ZBTB20: variants seen among roughly 807,000 people sequenced by gnomAD.
The protein encoded by ZBTB20 is zinc finger and BTB domain-containing protein 20.
Under a neutral mutation model 56.9 loss-of-function variants are expected in ZBTB20, and 9 were observed. The observed-to-expected ratio is 0.16, with a 90% CI of 0.10 to 0.28. The LOEUF (loss-of-function observed/expected upper bound fraction) is 0.28, where lower values mean the gene tolerates loss of function less well. ZBTB20 is among the 10% of genes least tolerant of loss of function. The pLI, the probability that ZBTB20 is intolerant of heterozygous loss-of-function variation, is 1.00. For synonymous variants in ZBTB20, 417 were observed against 420.7 expected, an observed-to-expected ratio of 0.99 and a Z score of 0.11; for missense variants, 655 against 1,003.0, an observed-to-expected ratio of 0.65 and a Z score of 4.69.
chr3:114,520,387 T>C (rs1006715480), intron 6 of ZBTB20, among the ~76,000 whole-genome samples: 2 of 152,190 alleles, frequency 1.3e-5, no homozygotes, highest in Admixed American at 1.3e-4. Flanking sequence ...CGTGATCTCA[T>C]GTACATAATT....
chr3:114,860,323 T>C (rs758252790), intron 4 of ZBTB20, among the ~76,000 whole-genome samples: 3 of 151,518 alleles, frequency 2.0e-5, no homozygotes, highest in Non-Finnish European at 4.4e-5. Flanking sequence ...AAAAAAATTC[T>C]GAAATTACAA....
intron 6 of ZBTB20, among the ~76,000 whole-genome samples, chr3:114,514,637 T>A (rs1479639366): frequency 6.6e-6 from 1 of 152,170 alleles, no homozygotes; most frequent in Non-Finnish European, 1.5e-5. Flanking sequence ...GGGAATACTT[T>A]ATTTGGTCAC....
At chr3:114,759,443 C>A (rs1282442044) in intron 5 of ZBTB20, among the ~76,000 whole-genome samples, 1 of 152,070 alleles carries the variant, frequency 6.6e-6, no homozygotes, top group African/African-American at 2.4e-5. Context: ...AGATGGAAAC[C>A]ATATGTTCCT....
chr3:115,076,422 T>C (rs1055642494), intron 1 of ZBTB20, among the ~76,000 whole-genome samples: 3 of 152,196 alleles, frequency 2.0e-5, no homozygotes, highest in Non-Finnish European at 4.4e-5. Context: ...GGTCAACTAA[T>C]TTTTTACAAG....
At chr3:114,948,068 A>G (rs1002137807) in intron 3 of ZBTB20, among the ~76,000 whole-genome samples, 2 of 146,058 alleles carry the variant, frequency 1.4e-5, no homozygotes, top group Non-Finnish European at 2.9e-5. Context: ...TAAAGAAAAT[A>G]TTAAGAAAAT....
At chr3:114,964,743 G>A (rs1039939884) in intron 3 of ZBTB20, among the ~76,000 whole-genome samples, 1 of 152,266 alleles carries the variant, frequency 6.6e-6, no homozygotes, top group Middle Eastern at 3.4e-3. Context: ...GGGGCTCAAA[G>A]AGTGGACTGA....
chr3:114,681,501 A>G (rs902668238), intron 6 of ZBTB20, among the ~76,000 whole-genome samples: 1 of 152,222 alleles, frequency 6.6e-6, no homozygotes, highest in African/African-American at 2.4e-5. Flanking sequence ...AATTATTAGA[A>G]GGCTGGGAGC....
At chr3:114,937,531 C>T (rs1274626991) in intron 3 of ZBTB20, among the ~76,000 whole-genome samples, 2 of 151,966 alleles carry the variant, frequency 1.3e-5, no homozygotes, top group Non-Finnish European at 2.9e-5. Context: ...AAGTGATTCT[C>T]CTCCCTCAGC....
intron 5 of ZBTB20, among the ~76,000 whole-genome samples, chr3:114,728,945 G>C (rs576982642): frequency 1.3e-5 from 2 of 152,150 alleles, no homozygotes; most frequent in East Asian, 3.9e-4. Context: ...AGAGAATCAA[G>C]AAAAATAGAT....
intron 5 of ZBTB20, among the ~76,000 whole-genome samples, chr3:114,778,684 G>A (rs1188541161): frequency 1.3e-5 from 2 of 152,120 alleles, no homozygotes; most frequent in Non-Finnish European, 1.5e-5. Flanking sequence ...AGAAAATCAA[G>A]TAGAAATGCT....
rs571109953 is a variant in ZBTB20 at position 115,055,854 on chromosome 3, G to A, written c.-507+15365C>T. ...ACAGATAATTGAAATTAATTATAGA[G>A]AACAGTACAATAAACGTATTATAAG... On this transcript the variant is annotated intron_variant, in intron 2 of 11. Transcript: ENST00000675478. Among the ~76,000 whole-genome samples the A allele has an allele frequency of 4.7e-4, 72 of 152,034 alleles. 1 individual carries two copies. Among genetic ancestry groups the A allele is most frequent in the African/African-American group, 1.6e-3 (68 of 41,482 alleles).
intron 5 of ZBTB20, among the ~76,000 whole-genome samples, chr3:114,788,663 A>G (rs370038167): frequency 6.9e-4 from 105 of 152,254 alleles, no homozygotes; most frequent in African/African-American, 2.5e-3. Flanking sequence ...CTCAAGTCAT[A>G]TTCTGACACT....
Position 114,327,164 on chromosome 3 carries a change from C to G in ZBTB20, c.*11841G>C, listed in dbSNP as rs556334414. On this transcript the variant is annotated 3_prime_UTR_variant, in exon 12 of 12. Coordinates refer to ENST00000675478, the MANE Select transcript of ZBTB20 (RefSeq NM_001348800.3). ...CAATAATAAATTCACACCCTGGAGT[C>G]TCTAGAATATCAAACAGGATTTAGA... 6.6e-6 allele frequency: 1 copy of G among 152,206 alleles called. No individual in the cohort carries two copies. Among genetic ancestry groups the G allele is most frequent in the East Asian group, 1.9e-4 (1 of 5,184 alleles). 9.4% of individuals were successfully genotyped at this position (152,206 alleles called of 1,614,324 possible).
Position 114,333,819 on chromosome 3 carries a change from C to G in ZBTB20, c.*5186G>C, listed in dbSNP as rs2079355156. On this transcript the variant is annotated 3_prime_UTR_variant, in exon 12 of 12. Coordinates refer to ENST00000675478, the MANE Select transcript of ZBTB20 (RefSeq NM_001348800.3). ...AAAAGCCCAGAGATTTCTCTAACCA[C>G]TTCTTGCCAAACTTCCTAGTTTTGT... The G allele has an allele frequency of 6.6e-6, 1 of 152,216 alleles. No homozygotes were observed. Among genetic ancestry groups the G allele is most frequent in the Non-Finnish European group, 1.5e-5 (1 of 68,048 alleles). 9.4% of individuals were successfully genotyped at this position (152,216 alleles called of 1,614,324 possible). A position where few individuals can be genotyped will look rare whatever the true frequency, so the allele number is the denominator to read the frequency against.
At chr3:114,562,233 C>T (rs553782958) in intron 6 of ZBTB20, among the ~76,000 whole-genome samples, 4 of 150,174 alleles carry the variant, frequency 2.7e-5, no homozygotes, top group African/African-American at 7.4e-5. Flanking sequence ...GGTGCCATCT[C>T]GGCTCACTGC....
chr3:114,917,967 C>T (rs2075811949), intron 3 of ZBTB20, among the ~76,000 whole-genome samples: 1 of 150,042 alleles, frequency 6.7e-6, no homozygotes, highest in Non-Finnish European at 1.5e-5. Flanking sequence ...TTTTTCATGG[C>T]ACCGAATGCC....
At chr3:114,516,221 C>T (rs756584355) in intron 6 of ZBTB20, among the ~76,000 whole-genome samples, 1 of 152,138 alleles carries the variant, frequency 6.6e-6, no homozygotes, top group Non-Finnish European at 1.5e-5. Flanking sequence ...ACCCCCAAGC[C>T]GCTTTGCTTC....
intron 10 of ZBTB20, among the ~76,000 whole-genome samples, chr3:114,374,922 G>A (rs1378607444): frequency 6.6e-6 from 1 of 152,172 alleles, no homozygotes; most frequent in African/African-American, 2.4e-5. Flanking sequence ...TCAGCTTTCC[G>A]ATTGGAAACT....
At chr3:114,972,971 A>C (rs1402257492) in intron 3 of ZBTB20, among the ~76,000 whole-genome samples, 1 of 152,172 alleles carries the variant, frequency 6.6e-6, no homozygotes, top group Non-Finnish European at 1.5e-5. Context: ...AATAAAAATA[A>C]ATAATCTTAT....
Sources: gnomAD v4.1 joint callset for allele counts (sites outside exome capture counted in the v4.1 genomes callset) on GRCh38, gnomAD v4.1.1 for gene constraint, MANE v1.5 for transcripts, NCBI Gene and HGNC (gene_info 2026-07-23, HGNC 2026-07-21) for gene names.